HDX: variants seen among roughly 807,000 people sequenced by gnomAD.
The protein encoded by HDX is chromosome X open reading frame 43.
HDX carries 19 observed loss-of-function variants against 45.2 expected under a neutral mutation model. That is an observed-to-expected ratio of 0.42 (90% CI 0.29 to 0.62). The LOEUF is 0.62. Among genes scored for constraint, HDX ranks in the 20% least tolerant of loss-of-function variants. The pLI is 0.20. For synonymous variants in HDX, 188 were observed against 172.8 expected (o/e 1.09, Z -0.69); for missense variants, 532 against 493.9 (o/e 1.08, Z -0.73).
intron 5 of HDX, among the ~76,000 whole-genome samples, chrX:84,361,863 A>G (rs2037630371): frequency 1.8e-5 from 2 of 112,215 alleles, no homozygotes; most frequent in Admixed American, 1.9e-4. Context: ...TTGATTTAAA[A>G]TAGTTTTAAA....
chrX:84,466,667 G>T (rs2040358167), intron 4 of HDX, among the ~76,000 whole-genome samples: 1 of 112,152 alleles, frequency 8.9e-6, no homozygotes, highest in African/African-American at 3.2e-5. Flanking sequence ...ATCCTTTAGG[G>T]AGTGGTGGGT....
chrX:84,423,757 C>G (rs183645999), intron 5 of HDX, among the ~76,000 whole-genome samples: 3 of 111,654 alleles, frequency 2.7e-5, no homozygotes, highest in Admixed American at 9.5e-5. Context: ...TGATATAATT[C>G]AACATCCCTT....
chrX:84,468,035 T>G (rs1029886072), intron 4 of HDX, among the ~76,000 whole-genome samples: 1 of 111,365 alleles, frequency 9.0e-6, no homozygotes, highest in Non-Finnish European at 1.9e-5. Flanking sequence ...CATCAGCACC[T>G]AAAGAAATTA....
chrX:84,497,105 T>C (rs1288223734), intron 1 of HDX, among the ~76,000 whole-genome samples: 1 of 112,062 alleles, frequency 8.9e-6, no homozygotes, highest in Non-Finnish European at 1.9e-5. Context: ...TTGCATTTCT[T>C]TCAACTTCCA....
intron 1 of HDX, among the ~76,000 whole-genome samples, chrX:84,494,350 T>TAA (rs1172510512): frequency 8.0e-5 from 9 of 112,582 alleles, no homozygotes; most frequent in African/African-American, 2.9e-4. Context: ...AGAGTGTTTG[T>TAA]ACTGCCACAA....
intron 4 of HDX, among the ~76,000 whole-genome samples, chrX:84,457,263 C>T (rs1419105549): frequency 9.0e-6 from 1 of 111,574 alleles, no homozygotes. Context: ...AAACTTGGTA[C>T]ATGGTTTACG....
At chrX:84,418,133 G>A (rs1039675999) in intron 5 of HDX, among the ~76,000 whole-genome samples, 14 of 111,715 alleles carry the variant, frequency 1.3e-4, no homozygotes, top group Non-Finnish European at 2.3e-4. Context: ...GTCCATAGGG[G>A]AAAATGAGGC....
intron 2 of HDX, among the ~76,000 whole-genome samples, chrX:84,478,844 A>G (rs1373090540): frequency 9.0e-6 from 1 of 111,397 alleles, no homozygotes; most frequent in African/African-American, 3.3e-5. Flanking sequence ...GGGTGACAGA[A>G]CAAAACCCTG....
At chrX:84,406,094 G>A (rs897291894) in intron 5 of HDX, among the ~76,000 whole-genome samples, 4 of 110,382 alleles carry the variant, frequency 3.6e-5, no homozygotes, top group Non-Finnish European at 7.6e-5. Context: ...CCTTTTAAAC[G>A]TACTGTCCAA....
intron 4 of HDX, among the ~76,000 whole-genome samples, chrX:84,462,790 G>C (rs2040267897): frequency 9.0e-6 from 1 of 111,191 alleles, no homozygotes; most frequent in East Asian, 2.8e-4. Context: ...ATTCTTGAAA[G>C]AAATTTGAAC....
chrX:84,420,278 A>T (rs2039219955), intron 5 of HDX, among the ~76,000 whole-genome samples: 1 of 112,301 alleles, frequency 8.9e-6, no homozygotes, highest in South Asian at 3.7e-4. Flanking sequence ...GAATTCTATC[A>T]GATGATTGAA....
At chrX:84,484,902 T>C (rs2040759035) in intron 2 of HDX, among the ~76,000 whole-genome samples, 1 of 111,709 alleles carries the variant, frequency 9.0e-6, no homozygotes. Flanking sequence ...TTTCTTCTTT[T>C]CTAAATACAA....
intron 6 of HDX, among the ~76,000 whole-genome samples, chrX:84,352,948 G>T (rs1387191486): frequency 9.1e-6 from 1 of 110,429 alleles, no homozygotes; most frequent in African/African-American, 3.3e-5. Flanking sequence ...GCTCCATTTG[G>T]GTCATAAAAG....
intron 1 of HDX, among the ~76,000 whole-genome samples, chrX:84,498,975 T>C (rs1450303402): frequency 6.3e-5 from 7 of 111,513 alleles, no homozygotes; most frequent in Non-Finnish European, 1.3e-4. Context: ...TGATTGGGTC[T>C]TGACTGTGAC....
intron 6 of HDX, among the ~76,000 whole-genome samples, chrX:84,345,248 T>A (rs1309085594): frequency 1.8e-5 from 2 of 111,663 alleles, no homozygotes; most frequent in Non-Finnish European, 1.9e-5. Context: ...AAACAGGAAA[T>A]TGATACTGTA....
intron 5 of HDX, among the ~76,000 whole-genome samples, chrX:84,394,540 A>G (rs2038514857): frequency 3.6e-5 from 4 of 111,535 alleles, no homozygotes; most frequent in African/African-American, 1.3e-4. Flanking sequence ...TTTCAGTCCA[A>G]TGTTTCTTTG....
intron 5 of HDX, among the ~76,000 whole-genome samples, chrX:84,408,084 T>C (rs955512923): frequency 6.3e-5 from 7 of 111,927 alleles, no homozygotes; most frequent in Admixed American, 1.9e-4. Flanking sequence ...TTTGTTACTA[T>C]TGCTTTGGCC....
At chrX:84,375,039 A>C (rs1468556367) in intron 5 of HDX, among the ~76,000 whole-genome samples, 4 of 105,411 alleles carry the variant, frequency 3.8e-5, no homozygotes, top group African/African-American at 1.4e-4. Flanking sequence ...AACTCAAACA[A>C]ATTTACAAGA....
chrX:84,406,986 A>T, intron 5 of HDX, among the ~76,000 whole-genome samples: 1 of 111,201 alleles, frequency 9.0e-6, no homozygotes, highest in Middle Eastern at 4.7e-3. Context: ...AGAACTTATC[A>T]CTTGATTGAA....
Sources: allele counts gnomAD v4.1 joint callset (sites outside exome capture counted in the v4.1 genomes callset), GRCh38; gene constraint gnomAD v4.1.1; transcripts MANE v1.5; gene names NCBI Gene and HGNC (gene_info 2026-07-23, HGNC 2026-07-21).